The following ZRANB3 variants were observed in gnomAD, a reference collection of about 807,000 sequenced individuals.
ZRANB3 encodes DNA annealing helicase and endonuclease ZRANB3.
ZRANB3 carries 125 observed loss-of-function variants against 133.8 expected under a neutral mutation model. The ratio of observed to expected loss-of-function variants is 0.93; its 90% CI spans 0.81 to 1.08. The LOEUF is 1.08. Ranked by LOEUF, ZRANB3 falls within the 50% of genes least tolerant of loss-of-function variation. ZRANB3 has a pLI of 0.00. For missense variants in ZRANB3, 1,229 were observed against 1,275.5 expected, an observed-to-expected ratio of 0.96 and a Z score of 0.56; for synonymous variants, 387 against 432.7, an observed-to-expected ratio of 0.89 and a Z score of 1.31.
intron 13 of ZRANB3, 85 bp from the exon 14 acceptor site, chr2:135,228,100 A>C (rs1694830449): frequency 1.8e-6 from 2 of 1,122,930 alleles, no homozygotes; most frequent in Non-Finnish European, 2.5e-6. Flanking sequence ...GGTCTTATAA[A>C]AAGAAAGTGA....
In ZRANB3 at chr2:135,418,925, C is replaced by CTTTTTTTTTTTTTTTTTTTTTT. The variant is rs769271961; in HGVS notation, c.162-28127_162-28106dup. Among the ~76,000 whole-genome samples, 9 of 85,882 alleles carry CTTTTTTTTTTTTTTTTTTTTTT rather than the reference C, an allele frequency of 1.0e-4. 1 individual carries two copies. The highest frequency in any genetic ancestry group is 3.2e-4 in the African/African-American group (7 of 22,086). 56.3% of individuals were successfully genotyped at this position (85,882 alleles called of 152,430 possible). A position where few individuals can be genotyped will look rare whatever the true frequency, so the allele number is the denominator to read the frequency against. On this transcript the variant is annotated intron_variant, in intron 2 of 20. Coordinates refer to ENST00000264159, the MANE Select transcript of ZRANB3 (RefSeq NM_032143.4). The stretch of plus-strand genomic sequence containing the variant: ...AAGTAATGAAAAATAAGGATTCTCT[C>CTTTTTTTTTTTTTTTTTTTTTT]TTTTTTTTTTTTTTTTTTTTTTTTT...
chr2:135,220,873 T>TC (rs1260522060), intron 15 of ZRANB3, among the ~76,000 whole-genome samples: 1 of 151,026 alleles, frequency 6.6e-6, no homozygotes, highest in African/African-American at 2.4e-5. Flanking sequence ...TTTTTTTTTT[T>TC]TGAGACAGAG....
At chr2:135,493,464 A>C (rs1323010899) in intron 2 of ZRANB3, among the ~76,000 whole-genome samples, 2 of 151,738 alleles carry the variant, frequency 1.3e-5, no homozygotes, top group African/African-American at 2.4e-5. Flanking sequence ...AGGCAACCCA[A>C]TTAAAACAAG....
intron 7 of ZRANB3, among the ~76,000 whole-genome samples, chr2:135,315,011 C>T (rs939773374): frequency 1.3e-5 from 2 of 152,144 alleles, no homozygotes; most frequent in Admixed American, 6.6e-5. Flanking sequence ...AGGTGATCTG[C>T]CCACCTCAGC....
chr2:135,380,941 T>A (rs1457905592), intron 3 of ZRANB3, among the ~76,000 whole-genome samples: 3 of 151,698 alleles, frequency 2.0e-5, no homozygotes, highest in Non-Finnish European at 4.4e-5. Context: ...AGAAGAGGGG[T>A]GATTTCTGCA....
At chr2:135,449,096 A>G (rs1690153131) in intron 2 of ZRANB3, among the ~76,000 whole-genome samples, 1 of 152,160 alleles carries the variant, frequency 6.6e-6, no homozygotes, top group Non-Finnish European at 1.5e-5. Context: ...TCCTCTTGGG[A>G]TGTTTGTTCT....
At chr2:135,497,727 G>A (rs1466958163) in intron 2 of ZRANB3, among the ~76,000 whole-genome samples, 3 of 152,138 alleles carry the variant, frequency 2.0e-5, no homozygotes, top group African/African-American at 7.2e-5. Context: ...GCTGGATCAA[G>A]TAGACATTCA....
intron 6 of ZRANB3, among the ~76,000 whole-genome samples, chr2:135,326,552 G>C (rs1331585341): frequency 6.6e-6 from 1 of 151,962 alleles, no homozygotes; most frequent in Non-Finnish European, 1.5e-5. Context: ...TGCCATGGTG[G>C]TTTGCTGCAC....
chr2:135,488,474 T>A (rs563759131), intron 2 of ZRANB3, among the ~76,000 whole-genome samples: 2 of 151,756 alleles, frequency 1.3e-5, no homozygotes, highest in South Asian at 2.1e-4. Context: ...CAAAGTATGC[T>A]ATATAATCAA....
chr2:135,251,681 C>T (rs1291336270), intron 12 of ZRANB3, among the ~76,000 whole-genome samples: 1 of 152,184 alleles, frequency 6.6e-6, no homozygotes, highest in Non-Finnish European at 1.5e-5. Context: ...GTAAGAAGTG[C>T]CTTTCTCCTC....
intron 2 of ZRANB3, among the ~76,000 whole-genome samples, chr2:135,465,032 A>G (rs72986444): frequency 0.044 from 6,757 of 152,280 alleles, 502 homozygotes; most frequent in African/African-American, 0.16. Context: ...ATTTCAGTCT[A>G]TAGGAGAGCA....
chr2:135,372,965 C>T (rs1686253742), intron 3 of ZRANB3, among the ~76,000 whole-genome samples: 1 of 151,138 alleles, frequency 6.6e-6, no homozygotes, highest in Non-Finnish European at 1.5e-5. Flanking sequence ...ACCTGTAGTC[C>T]TAGCTACTTG....
chr2:135,450,394 C>A (rs1325984406), intron 2 of ZRANB3, among the ~76,000 whole-genome samples: 1 of 150,802 alleles, frequency 6.6e-6, no homozygotes, highest in Admixed American at 6.6e-5. Flanking sequence ...CTCAAAAACA[C>A]CCTATGATAC....
chr2:135,397,952 T>C (rs749195813), intron 2 of ZRANB3, among the ~76,000 whole-genome samples: 4 of 152,204 alleles, frequency 2.6e-5, no homozygotes, highest in Non-Finnish European at 4.4e-5. Flanking sequence ...TGTTTCTCCA[T>C]ATCTTGCACA....
intron 2 of ZRANB3, among the ~76,000 whole-genome samples, chr2:135,419,386 GTGTT>G (rs1374111678): frequency 1.3e-5 from 2 of 152,000 alleles, no homozygotes; most frequent in African/African-American, 2.4e-5. Context: ...GTGTGTGTGT[GTGTT>G]TATGTGTGTG....
chr2:135,502,383 C>A (rs1692989273), intron 2 of ZRANB3, among the ~76,000 whole-genome samples: 3 of 152,170 alleles, frequency 2.0e-5, no homozygotes, highest in African/African-American at 7.2e-5. Context: ...GACTGGTTAA[C>A]AGTCCAGGGA....
Position 135,248,692 on chromosome 2 carries a change from G to A in ZRANB3, c.1539+16842C>T, listed in dbSNP as rs564700586. On this transcript the variant is annotated intron_variant, in intron 12 of 20. Coordinates refer to ENST00000264159, the MANE Select transcript of ZRANB3 (RefSeq NM_032143.4). ...AAGCCGAGATGGGTGGATCACCTGAGGTCAGTAGTTTGAGACTAGCCTGGC... is the reference window on the plus strand; with the variant it reads ...AAGCCGAGATGGGTGGATCACCTGAAGTCAGTAGTTTGAGACTAGCCTGGC... Among the ~76,000 whole-genome samples, 4 of 152,246 alleles carry A rather than the reference G, an allele frequency of 2.6e-5. No homozygotes were observed. In the East Asian group the frequency reaches 5.8e-4, roughly 22 times the overall value.
intron 3 of ZRANB3, among the ~76,000 whole-genome samples, chr2:135,380,609 A>T (rs2104911123): frequency 6.6e-6 from 1 of 152,336 alleles, no homozygotes; most frequent in African/African-American, 2.4e-5. Flanking sequence ...TGTTATTTGA[A>T]ACCAATGAGA....
chr2:135,451,090 T>C (rs1396081319), intron 2 of ZRANB3, among the ~76,000 whole-genome samples: 1 of 152,188 alleles, frequency 6.6e-6, no homozygotes, highest in Non-Finnish European at 1.5e-5. Flanking sequence ...GGCAAAATCA[T>C]CTTTAAATTA....
Sources: allele counts gnomAD v4.1 joint callset (sites outside exome capture counted in the v4.1 genomes callset), GRCh38; gene constraint gnomAD v4.1.1; transcripts MANE v1.5; gene names NCBI Gene and HGNC (gene_info 2026-07-23, HGNC 2026-07-21).